The following PLCB4 variants were observed in gnomAD, a reference collection of about 807,000 sequenced individuals.
The protein encoded by PLCB4 is 1-phosphatidylinositol 4,5-bisphosphate phosphodiesterase beta-4.
A neutral mutation model predicts 178.8 loss-of-function variants in PLCB4; 77 were observed. That is an observed-to-expected ratio of 0.43 (90% CI 0.36 to 0.52). The LOEUF is 0.52. Ranked by LOEUF, PLCB4 falls within the 20% of genes least tolerant of loss-of-function variation. The pLI is 0.00. For synonymous variants in PLCB4, 496 were observed against 490.8 expected (o/e 1.01, Z -0.14); for missense variants, 1,024 against 1,453.4 (o/e 0.70, Z 4.80).
intron 2 of PLCB4, among the ~76,000 whole-genome samples, chr20:9,143,616 C>A (rs2092538576): frequency 6.6e-6 from 1 of 152,110 alleles, no homozygotes; most frequent in Non-Finnish European, 1.5e-5. Context: ...CTTTCGACTT[C>A]AGAATTCACA....
intron 34 of PLCB4, among the ~76,000 whole-genome samples, chr20:9,459,005 A>G (rs565419215): frequency 6.6e-6 from 1 of 152,298 alleles, no homozygotes; most frequent in Admixed American, 6.5e-5. Flanking sequence ...TAAGGTGATA[A>G]AGAAAATCCT....
At chr20:9,088,143 A>G (rs903720409) in intron 1 of PLCB4, among the ~76,000 whole-genome samples, 6 of 150,762 alleles carry the variant, frequency 4.0e-5, no homozygotes, top group African/African-American at 1.5e-4. Flanking sequence ...GTCATTGCAG[A>G]TAGCCTCAAT....
intron 3 of PLCB4, among the ~76,000 whole-genome samples, chr20:9,218,484 C>A (rs1268973912): frequency 6.6e-6 from 1 of 152,198 alleles, no homozygotes; most frequent in African/African-American, 2.4e-5. Flanking sequence ...AACAAGAGGT[C>A]ATTTTATAGT....
At chr20:9,109,776 A>G (rs956423526) in intron 2 of PLCB4, among the ~76,000 whole-genome samples, 3 of 152,218 alleles carry the variant, frequency 2.0e-5, no homozygotes, top group African/African-American at 7.2e-5. Flanking sequence ...TTTTCTTGCC[A>G]GGACTGAACT....
At chr20:9,070,837 A>G (rs1448203291) in intron 1 of PLCB4, among the ~76,000 whole-genome samples, 4 of 152,194 alleles carry the variant, frequency 2.6e-5, no homozygotes, top group East Asian at 3.9e-4. Context: ...TTTTGATGGT[A>G]TTACTACCCA....
At chr20:9,295,303 A>G (rs1179499563) in intron 3 of PLCB4, among the ~76,000 whole-genome samples, 3 of 152,162 alleles carry the variant, frequency 2.0e-5, no homozygotes, top group African/African-American at 4.8e-5. Context: ...CCTGCGCGGT[A>G]AAGTATAGAC....
At chr20:9,097,347 G>A (rs1013610870) in intron 2 of PLCB4, among the ~76,000 whole-genome samples, 10 of 150,204 alleles carry the variant, frequency 6.7e-5, no homozygotes, top group African/African-American at 1.7e-4. Flanking sequence ...AGAGCCATGC[G>A]TTCAGGGAGT....
chr20:9,209,211 C>A (rs1431610844), intron 2 of PLCB4, among the ~76,000 whole-genome samples: 1 of 152,040 alleles, frequency 6.6e-6, no homozygotes, highest in African/African-American at 2.4e-5. Flanking sequence ...TGTGGAAGTC[C>A]AAGAACATTT....
At chr20:9,459,912 C>A in intron 35 of PLCB4, 102 bp downstream of exon 35, 1 of 709,478 alleles carries the variant, frequency 1.4e-6, no homozygotes, top group East Asian at 2.7e-5. Context: ...ATCAATTTGA[C>A]GTACAACATG....
At chr20:9,401,405 T>C in intron 19 of PLCB4, 85 bp from the exon 20 acceptor site, 2 of 869,288 alleles carry the variant, frequency 2.3e-6, no homozygotes, top group Non-Finnish European at 3.8e-6. Flanking sequence ...CTAAAAGTGC[T>C]TATGTTCTAC....
chr20:9,382,341 C>T (rs1220859722), intron 13 of PLCB4, among the ~76,000 whole-genome samples: 1 of 152,164 alleles, frequency 6.6e-6, no homozygotes, highest in Non-Finnish European at 1.5e-5. Flanking sequence ...TTATGGTCCA[C>T]ACAGCAGCCA....
At chr20:9,289,869 C>T (rs1384189579) in intron 3 of PLCB4, among the ~76,000 whole-genome samples, 1 of 152,042 alleles carries the variant, frequency 6.6e-6, no homozygotes, top group Non-Finnish European at 1.5e-5. Flanking sequence ...GAGTATATAA[C>T]TTCAAAAGAG....
intron 28 of PLCB4, among the ~76,000 whole-genome samples, chr20:9,426,665 C>T (rs147716797): frequency 0.025 from 3,803 of 152,236 alleles, 64 homozygotes; most frequent in Non-Finnish European, 0.036. Context: ...ACGTGAGCCA[C>T]TGTGCCTGGC....
chr20:9,437,693 T>G (rs1315704966), intron 30 of PLCB4, among the ~76,000 whole-genome samples: 7 of 152,186 alleles, frequency 4.6e-5, no homozygotes, highest in African/African-American at 1.4e-4. Flanking sequence ...AGGAGTTCAT[T>G]TTTCTTGTTC....
chr20:9,479,113 T>C lies in PLCB4; in HGVS notation c.*104T>C. 1.3e-6 allele frequency: 1 copy of C among 783,176 alleles called. No individual in the cohort carries two copies. Among genetic ancestry groups the C allele is most frequent in the Non-Finnish European group, 2.2e-6 (1 of 456,190 alleles). 48.5% of individuals were successfully genotyped at this position (783,176 alleles called of 1,614,324 possible). A position where few individuals can be genotyped will look rare whatever the true frequency, so the allele number is the denominator to read the frequency against. Reference sequence around the variant, plus strand: ...TTGTTTCCTTTATGTGTAAACAAGATGATATCTGAAACCAGAGAGACTTGG... The same window carrying C: ...TTGTTTCCTTTATGTGTAAACAAGACGATATCTGAAACCAGAGAGACTTGG... On this transcript the variant is annotated 3_prime_UTR_variant, in exon 40 of 40. Transcript: ENST00000378473.
chr20:9,297,745 A>G (rs906718901), intron 3 of PLCB4, among the ~76,000 whole-genome samples: 1 of 152,060 alleles, frequency 6.6e-6, no homozygotes, highest in African/African-American at 2.4e-5. Flanking sequence ...AACCTCAGTC[A>G]TGGACAACTA....
intron 26 of PLCB4, among the ~76,000 whole-genome samples, chr20:9,420,296 G>A (rs537131576): frequency 3.7e-4 from 57 of 152,226 alleles, no homozygotes; most frequent in African/African-American, 1.3e-3. Flanking sequence ...TGGTTTCGCA[G>A]ATGTGCTCAT....
intron 25 of PLCB4, among the ~76,000 whole-genome samples, chr20:9,414,690 C>T (rs1304759144): frequency 2.6e-5 from 4 of 152,182 alleles, no homozygotes; most frequent in Admixed American, 2.6e-4. Context: ...TGGGAGGACG[C>T]ACCACTGGGC....
intron 39 of PLCB4, among the ~76,000 whole-genome samples, chr20:9,477,865 TAC>T (rs1444755074): frequency 6.6e-6 from 1 of 152,190 alleles, no homozygotes; most frequent in East Asian, 1.9e-4. Flanking sequence ...CTCATATATC[TAC>T]AGAGTTGACC....
Sources: gnomAD v4.1 joint callset for allele counts (sites outside exome capture counted in the v4.1 genomes callset) on GRCh38, gnomAD v4.1.1 for gene constraint, MANE v1.5 for transcripts, NCBI Gene and HGNC (gene_info 2026-07-23, HGNC 2026-07-21) for gene names.